Variants in RAP1GAP2 observed in about 807,000 individuals in gnomAD.
The protein encoded by RAP1GAP2 is RAP1 GTPase activating protein 2, also known as rap1 GTPase-activating protein 2.
A neutral mutation model predicts 95.0 loss-of-function variants in RAP1GAP2; 27 were observed. That is an observed-to-expected ratio of 0.28 (90% CI 0.21 to 0.39). RAP1GAP2 has a LOEUF of 0.39. Ranked by LOEUF, RAP1GAP2 falls within the 10% of genes least tolerant of loss-of-function variation. The probability of loss-of-function intolerance (pLI) is 1.00; values close to 1 mark genes in which losing one functional copy is unlikely to be tolerated. For synonymous variants in RAP1GAP2, 373 were observed against 380.9 expected (o/e 0.98, Z 0.24); for missense variants, 771 against 970.0 (o/e 0.79, Z 2.72).
At chr17:2,986,995 A>C (rs920235145) in intron 11 of RAP1GAP2, among the ~76,000 whole-genome samples, 8 of 152,204 alleles carry the variant, frequency 5.3e-5, no homozygotes, top group Non-Finnish European at 1.2e-4. Context: ...TTTTTGGGTA[A>C]AGGGCCAGAT....
intron 8 of RAP1GAP2, among the ~76,000 whole-genome samples, chr17:2,970,501 T>C (rs996248283): frequency 7.9e-5 from 12 of 152,148 alleles, no homozygotes; most frequent in African/African-American, 2.7e-4. Flanking sequence ...ATTCCAACTT[T>C]CACCAGTAAT....
In RAP1GAP2 at chr17:2,888,895, T is replaced by C. The variant is rs563635708; in HGVS notation, c.81-16389T>C. 2.6e-5 allele frequency among the ~76,000 whole-genome samples: 4 copies of C among 151,318 alleles called. No homozygotes were observed. The East Asian group carries it at 7.8e-4, about 29-fold the overall frequency. On this transcript the variant is annotated intron_variant, in intron 2 of 24. Coordinates refer to ENST00000254695, the MANE Select transcript of RAP1GAP2 (RefSeq NM_015085.5). ...CCAGGCTGGTCTTGAACTCCTGAGC[T>C]CAGGCGATCTGCCCGCCTTGGCCTC...
chr17:2,982,757 G>T (rs556417333), intron 10 of RAP1GAP2, among the ~76,000 whole-genome samples: 1 of 152,018 alleles, frequency 6.6e-6, no homozygotes, highest in Non-Finnish European at 1.5e-5. Flanking sequence ...CTTAGCCACC[G>T]AGAGGACCAA....
At chr17:2,828,290 G>C (rs112300145) in intron 2 of RAP1GAP2, among the ~76,000 whole-genome samples, 2 of 152,056 alleles carry the variant, frequency 1.3e-5, no homozygotes, top group African/African-American at 2.4e-5. Flanking sequence ...GCAGTGAGCC[G>C]AGATCGCGCC....
chr17:2,900,412 T>TG (rs1481010779), intron 2 of RAP1GAP2, among the ~76,000 whole-genome samples: 1 of 152,140 alleles, frequency 6.6e-6, no homozygotes, highest in Non-Finnish European at 1.5e-5. Flanking sequence ...AACTTCATGT[T>TG]TTATGTCACA....
At chr17:2,781,218 C>T (rs1186364735) in intron 1 of RAP1GAP2, among the ~76,000 whole-genome samples, 3 of 152,210 alleles carry the variant, frequency 2.0e-5, no homozygotes, top group Admixed American at 6.5e-5. Context: ...CCATGCTGGG[C>T]CTGCTGGCTG....
intron 3 of RAP1GAP2, among the ~76,000 whole-genome samples, chr17:2,908,362 A>T (rs2042268868): frequency 6.6e-6 from 1 of 152,178 alleles, no homozygotes. Flanking sequence ...AGTTAAGAGC[A>T]CTGGAGTCAT....
rs1198844899 is a variant in RAP1GAP2, at chr17:2,825,191, C to G, written c.80+24641C>G. ...TCAAGTGATCCTCCCACCTTGGCCT[C>G]CTAAATTGCTGGTATTATGGGTGTG... On this transcript the variant is annotated intron_variant, in intron 2 of 24. Coordinates refer to ENST00000254695, the MANE Select transcript of RAP1GAP2 (RefSeq NM_015085.5). The surrounding 1 kb of genome is among the most constrained non-coding windows in gnomAD (Gnocchi z 4.1). Among the ~76,000 whole-genome samples the G allele has an allele frequency of 6.6e-6, 1 of 152,146 alleles. No individual in the cohort carries two copies. Among genetic ancestry groups the G allele is most frequent in the East Asian group, 1.9e-4 (1 of 5,194 alleles).
At chr17:2,992,937 T>G (rs1421276484) in intron 12 of RAP1GAP2, among the ~76,000 whole-genome samples, 1 of 151,652 alleles carries the variant, frequency 6.6e-6, no homozygotes, top group African/African-American at 2.4e-5. Flanking sequence ...AGGGCTGGGC[T>G]CAGTGGCTCA....
At chr17:2,977,055 T>C (rs1243582890) in intron 8 of RAP1GAP2, among the ~76,000 whole-genome samples, 2 of 150,022 alleles carry the variant, frequency 1.3e-5, no homozygotes, top group Non-Finnish European at 3.0e-5. Flanking sequence ...GAGAATCACT[T>C]GAACCTGGGA....
rs941210918 is a variant in RAP1GAP2, at chr17:2,906,289, C to T, written c.165+921C>T. 3.3e-5 allele frequency among the ~76,000 whole-genome samples: 5 copies of T among 152,184 alleles called. No homozygotes were observed. The highest frequency in any genetic ancestry group is 5.9e-5 in the Non-Finnish European group (4 of 68,046). On this transcript the variant is annotated intron_variant, in intron 3 of 24. Coordinates refer to ENST00000254695, the MANE Select transcript of RAP1GAP2 (RefSeq NM_015085.5). The surrounding 1 kb of genome is among the most constrained non-coding windows in gnomAD (Gnocchi z 4.3). Reference sequence around the variant, plus strand: ...TGCTCTGCATCACCCCTCCTCTTCCCTGAACCTAATCTTTTGCAAGATGAC... The same window carrying T: ...TGCTCTGCATCACCCCTCCTCTTCCTTGAACCTAATCTTTTGCAAGATGAC...
At chr17:2,972,537 G>A (rs927155786) in intron 8 of RAP1GAP2, among the ~76,000 whole-genome samples, 3 of 140,896 alleles carry the variant, frequency 2.1e-5, no homozygotes, top group African/African-American at 7.9e-5. Flanking sequence ...ACCTGTAATT[G>A]CAGTGAGCCG....
intron 3 of RAP1GAP2, among the ~76,000 whole-genome samples, chr17:2,910,293 C>A (rs978607268): frequency 1.3e-5 from 2 of 152,204 alleles, no homozygotes; most frequent in Non-Finnish European, 2.9e-5. Flanking sequence ...TGACCCTCCA[C>A]TCCTCTGCTT....
In RAP1GAP2 at chr17:2,963,821, C is replaced by A. The variant is rs1393968054; in HGVS notation, c.280-35C>A. On this transcript the variant is annotated intron_variant, in intron 6 of 24. Transcript: ENST00000254695. This position sits in a 1 kb window ranked among gnomAD's most constrained non-coding sequence, Gnocchi z 4.8. ...ACCGGCCCCCTCCCTCCCCTGCGGTCCCAGGGGAGCGCACGACCCTCCCTC... is the reference window on the plus strand; with the variant it reads ...ACCGGCCCCCTCCCTCCCCTGCGGTACCAGGGGAGCGCACGACCCTCCCTC... The A allele has an allele frequency of 5.9e-6, 9 of 1,518,692 alleles. 1 individual carries two copies. In the South Asian group the frequency reaches 8.8e-5, roughly 15 times the overall value. 94.1% of individuals were successfully genotyped at this position (1,518,692 alleles called of 1,614,324 possible).
intron 1 of RAP1GAP2, among the ~76,000 whole-genome samples, chr17:2,757,901 A>T (rs964509163): frequency 6.7e-6 from 1 of 148,400 alleles, no homozygotes; most frequent in Admixed American, 6.8e-5. Context: ...ATGGAGTCTC[A>T]CACTGTCACC....
intron 2 of RAP1GAP2, among the ~76,000 whole-genome samples, chr17:2,851,846 G>T (rs1044287028): frequency 3.3e-5 from 5 of 152,130 alleles, no homozygotes; most frequent in Non-Finnish European, 5.9e-5. Flanking sequence ...CTTCCAAAGT[G>T]CTGGGATTAC....
intron 3 of RAP1GAP2, among the ~76,000 whole-genome samples, chr17:2,924,536 G>A (rs932911454): frequency 7.2e-5 from 11 of 151,810 alleles, no homozygotes; most frequent in African/African-American, 2.2e-4. Context: ...AAAGGAAATC[G>A]GAGGTGGGGA....
intron 4 of RAP1GAP2, among the ~76,000 whole-genome samples, chr17:2,961,965 C>T (rs551551929): frequency 7.4e-5 from 11 of 149,452 alleles, no homozygotes; most frequent in African/African-American, 2.2e-4. Context: ...TGCAATGGCG[C>T]GATCTCGGCT....
rs954130962 is a variant in RAP1GAP2, at chr17:2,991,359, C to T, written c.876C>T (p.Asp292=). The T allele has an allele frequency of 3.7e-6, 6 of 1,605,852 alleles. No homozygotes were observed. Among genetic ancestry groups the T allele is most frequent in the Non-Finnish European group, 5.1e-6 (6 of 1,176,340 alleles). The stretch of plus-strand genomic sequence containing the variant: ...GCCCAGCTTTTAAGGAGTTCTTGGA[C>T]CTGCTGGGGGACACGATCACACTGC... ...EESPAFKEFL[D]LLGDTITLQD... Residue 292 remains aspartate (D), a synonymous_variant, in exon 12 of 25, where the codon GAC becomes GAT. Transcript: ENST00000254695.
Sources: allele counts gnomAD v4.1 joint callset (sites outside exome capture counted in the v4.1 genomes callset), GRCh38; gene constraint gnomAD v4.1.1; non-coding constraint Gnocchi (gnomAD v3.1); transcripts MANE v1.5; gene names NCBI Gene and HGNC (gene_info 2026-07-23, HGNC 2026-07-21).